The following ADAM22 variants were observed in gnomAD, a reference collection of about 807,000 sequenced individuals.
The protein encoded by ADAM22 is ADAM metallopeptidase domain 22.
Under a neutral mutation model 144.6 loss-of-function variants are expected in ADAM22, and 65 were observed. The ratio of observed to expected loss-of-function variants is 0.45; its 90% CI spans 0.37 to 0.55. ADAM22 has a LOEUF of 0.55. Ranked by LOEUF, ADAM22 falls within the 20% of genes least tolerant of loss-of-function variation. The pLI is 0.00. For synonymous variants in ADAM22, 391 were observed against 412.6 expected (o/e 0.95, Z 0.63); for missense variants, 974 against 1,184.9 (o/e 0.82, Z 2.61).
At chr7:88,149,198 A>T (rs1172463172) in intron 18 of ADAM22, 141 bp downstream of exon 18, 1 of 659,440 alleles carries the variant, frequency 1.5e-6, no homozygotes, top group African/African-American at 1.8e-5. Context: ...TAGGAATTTA[A>T]GTTTCAGTGA....
rs527956045 is a variant in ADAM22, at chr7:88,052,258, G to T, written c.324-23368G>T. On this transcript the variant is annotated intron_variant, in intron 3 of 31. Transcript: ENST00000413139. Reference sequence around the variant, plus strand: ...CACGCCTGTAATCCCAGCACTTTGGGAGACCGAGTCGGGCAGATCATGAGG... The same window carrying T: ...CACGCCTGTAATCCCAGCACTTTGGTAGACCGAGTCGGGCAGATCATGAGG... Among the ~76,000 whole-genome samples, 82 of 151,716 alleles carry T rather than the reference G, an allele frequency of 5.4e-4. 1 individual carries two copies. The highest frequency in any genetic ancestry group is 1.9e-3 in the African/African-American group (78 of 41,320).
Position 88,179,077 on chromosome 7 carries a change from T to C in ADAM22, c.2443T>C (p.Cys815Arg). 2 of 1,508,910 alleles carry C rather than the reference T, an allele frequency of 1.3e-6. No homozygotes were observed. The highest frequency in any genetic ancestry group is 1.8e-6 in the Non-Finnish European group (2 of 1,084,784). 93.5% of individuals were successfully genotyped at this position (1,508,910 alleles called of 1,614,324 possible). The change falls in exon 27 of 32, where the codon TGT (cysteine) becomes CGT (arginine). Residue 815 changes from cysteine to arginine, a missense_variant. By Grantham distance (180) the Cys-to-Arg change is radical. Transcript: ENST00000413139. ...AFLSHFQIST[C>R]SITHYSISQN... ...TCTGTCGCATTTTCAGATTTCTACCTGTTCCATCACACATTATTCCATTAG... is the reference window on the plus strand; with the variant it reads ...TCTGTCGCATTTTCAGATTTCTACCCGTTCCATCACACATTATTCCATTAG...
chr7:88,126,804 A>G (rs1250272267), intron 8 of ADAM22, among the ~76,000 whole-genome samples: 2 of 151,880 alleles, frequency 1.3e-5, no homozygotes, highest in African/African-American at 4.8e-5. Flanking sequence ...ATTCTGGAGC[A>G]TTTGGGATTT....
chr7:87,944,826 T>TTTTG (rs1843211179), intron 2 of ADAM22, among the ~76,000 whole-genome samples: 2 of 151,384 alleles, frequency 1.3e-5, no homozygotes, highest in African/African-American at 2.4e-5. Context: ...GTTTTTTTTT[T>TTTTG]TTTTGTTTTT....
intron 26 of ADAM22, among the ~76,000 whole-genome samples, chr7:88,176,542 G>C (rs1054510716): frequency 1.3e-5 from 2 of 152,100 alleles, no homozygotes; most frequent in African/African-American, 2.4e-5. Context: ...ACATTGAAGG[G>C]ATAATAAAAC....
At chr7:87,940,181 C>CAAA (rs35309253) in intron 2 of ADAM22, among the ~76,000 whole-genome samples, 15 of 75,956 alleles carry the variant, frequency 2.0e-4, no homozygotes, top group Non-Finnish European at 1.6e-4. Flanking sequence ...GTCTTTATCT[C>CAAA]AAAAAAAAAA....
At position 88,120,163 on chromosome 7, in the gene ADAM22, G is replaced by GT. The variant is rs879288804; in HGVS notation, c.607+3358dup. On this transcript the variant is annotated intron_variant, in intron 7 of 31. Transcript: ENST00000413139. ...CTGGAATCACACTTTGAGAACCACTGTTTTTTTTTAATATATATATATTTT... is the reference window on the plus strand; with the variant it reads ...CTGGAATCACACTTTGAGAACCACTGTTTTTTTTTTAATATATATATATTTT... Among the ~76,000 whole-genome samples the GT allele has an allele frequency of 1.4e-3, 215 of 150,888 alleles. 2 individuals are homozygous for GT. Among genetic ancestry groups the GT allele is most frequent in the Middle Eastern group, 0.01 (3 of 292 alleles).
chr7:88,108,046 A>G, intron 4 of ADAM22, 130 bp from the exon 5 acceptor site: 1 of 646,734 alleles, frequency 1.5e-6, no homozygotes, highest in Non-Finnish European at 2.6e-6. Flanking sequence ...TGATAATGCT[A>G]ATCTGAATAA....
intron 22 of ADAM22, among the ~76,000 whole-genome samples, chr7:88,160,281 C>T (rs1297793628): frequency 3.3e-5 from 5 of 152,204 alleles, no homozygotes; most frequent in Admixed American, 1.3e-4. Context: ...AAAAACATTC[C>T]GTGGTTGTGA....
chr7:88,192,429 A>G (rs368381383), intron 30 of ADAM22, among the ~76,000 whole-genome samples: 3 of 152,244 alleles, frequency 2.0e-5, no homozygotes, highest in South Asian at 4.1e-4. Context: ...TGCAAAATCA[A>G]TCAAGTACAG....
chr7:88,182,756 T>A (rs1364285515), intron 29 of ADAM22, among the ~76,000 whole-genome samples: 1 of 152,182 alleles, frequency 6.6e-6, no homozygotes, highest in African/African-American at 2.4e-5. Flanking sequence ...CAAAACCTCC[T>A]CAAATCTTTA....
intron 2 of ADAM22, among the ~76,000 whole-genome samples, chr7:87,950,983 G>T (rs1224290793): frequency 6.6e-6 from 1 of 152,068 alleles, no homozygotes; most frequent in Non-Finnish European, 1.5e-5. Context: ...TTTTGATGGG[G>T]TTGTTTGTTT....
intron 10 of ADAM22, 94 bp downstream of exon 10, chr7:88,130,553 C>A: frequency 8.1e-7 from 1 of 1,229,232 alleles, no homozygotes; most frequent in Non-Finnish European, 1.1e-6. Context: ...TTTTACTGCT[C>A]TATGTTGCAC....
At chr7:88,117,150 T>C (rs2129490657) in intron 7 of ADAM22, among the ~76,000 whole-genome samples, 1 of 152,386 alleles carries the variant, frequency 6.6e-6, no homozygotes, top group East Asian at 1.9e-4. Context: ...GGATGAACTC[T>C]TAATCATTTC....
chr7:88,071,668 G>A (rs1407875299), intron 3 of ADAM22, among the ~76,000 whole-genome samples: 1 of 151,902 alleles, frequency 6.6e-6, no homozygotes, highest in Non-Finnish European at 1.5e-5. Flanking sequence ...GGCTTGTTAT[G>A]ACATGCAAAT....
At chr7:88,075,506 A>G (rs1814162096) in intron 3 of ADAM22, 120 bp from the exon 4 acceptor site, 1 of 756,514 alleles carries the variant, frequency 1.3e-6, no homozygotes, top group East Asian at 2.7e-5. Flanking sequence ...GAGACCTATA[A>G]AGTGTTGATT....
At chr7:87,958,905 A>G (rs1221992052) in intron 2 of ADAM22, among the ~76,000 whole-genome samples, 2 of 152,114 alleles carry the variant, frequency 1.3e-5, no homozygotes, top group African/African-American at 4.8e-5. Context: ...TTATCTGTAT[A>G]GCAAATATTT....
intron 3 of ADAM22, among the ~76,000 whole-genome samples, chr7:88,060,168 G>T (rs914705695): frequency 1.3e-5 from 2 of 152,082 alleles, no homozygotes; most frequent in African/African-American, 4.8e-5. Context: ...GCCACTCGGG[G>T]GTCTTGCCTC....
chr7:87,990,253 T>A (rs1747115158), intron 3 of ADAM22, among the ~76,000 whole-genome samples: 1 of 152,202 alleles, frequency 6.6e-6, no homozygotes, highest in African/African-American at 2.4e-5. Flanking sequence ...CCAGTGGCAC[T>A]GGGAGTGCAA....
Sources: gnomAD v4.1 joint callset for allele counts (sites outside exome capture counted in the v4.1 genomes callset) on GRCh38, gnomAD v4.1.1 for gene constraint, MANE v1.5 for transcripts, NCBI Gene and HGNC (gene_info 2026-07-23, HGNC 2026-07-21) for gene names.